The following PTK2B variants were observed in gnomAD, a reference collection of about 807,000 sequenced individuals.
PTK2B encodes the protein protein-tyrosine kinase 2-beta.
In PTK2B, 71 loss-of-function variants were observed where a neutral mutation model predicts 142.9. That is an observed-to-expected ratio of 0.50 (90% CI 0.41 to 0.61). The LOEUF is 0.61. PTK2B is among the 20% of genes least tolerant of loss of function. The pLI, the probability that PTK2B is intolerant of heterozygous loss-of-function variation, is 0.00. For synonymous variants in PTK2B, 519 were observed against 503.4 expected (o/e 1.03, Z -0.42); for missense variants, 1,105 against 1,320.4 (o/e 0.84, Z 2.53).
chr8:27,357,713 GAGTA>G (rs1805466793), intron 1 of PTK2B, among the ~76,000 whole-genome samples: 1 of 152,218 alleles, frequency 6.6e-6, no homozygotes, highest in South Asian at 2.1e-4. Context: ...AGATAGCCAA[GAGTA>G]AGTGAGATAA....
rs192474266 is a variant in PTK2B, at chr8:27,420,737, A to G, written c.464A>G (p.Tyr155Cys). ...GACAGGACCACGCTGCTCTATTTTT[A>G]CCAACAGGTAAAAAGTACTTTATCT... The part of the protein sequence containing the change: ...KEDRTTLLYF[Y>C]QQLRNDYMQR... Residue 155 changes from tyrosine to cysteine, a missense_variant, in exon 4 of 31, where the codon TAC (tyrosine) becomes TGC (cysteine). By Grantham distance (194) the Tyr-to-Cys change is radical (BLOSUM62 -2). Coordinates refer to ENST00000346049, the MANE Select transcript of PTK2B (RefSeq NM_173176.3). 6.2e-7 allele frequency: 1 copy of G among 1,611,546 alleles called. No individual in the cohort carries two copies. The highest frequency in any genetic ancestry group is 2.2e-5 in the East Asian group (1 of 44,860).
chr8:27,336,862 GTCTC>G (rs200584604), intron 1 of PTK2B, among the ~76,000 whole-genome samples: 2,306 of 152,196 alleles, frequency 0.015, 48 homozygotes, highest in African/African-American at 0.038. Context: ...TTGAGACGGA[GTCTC>G]TCTCTGTCAC....
Position 27,394,112 on chromosome 8 carries a change from G to A in PTK2B, c.-37-3436G>A, listed in dbSNP as rs140017449. On this transcript the variant is annotated intron_variant, in intron 1 of 30. Coordinates refer to ENST00000346049, the MANE Select transcript of PTK2B (RefSeq NM_173176.3). The stretch of plus-strand genomic sequence containing the variant: ...ACAGCAGATTACTGTACTGAATACT[G>A]CAGGTAATTATAACACAATTGAGGG... Among the ~76,000 whole-genome samples, 1,040 of 152,206 alleles carry A rather than the reference G, an allele frequency of 6.8e-3. 13 individuals carry two copies. Among genetic ancestry groups the A allele is most frequent in the African/African-American group, 0.024 (998 of 41,518 alleles).
At chr8:27,331,395 T>G (rs1327061894) in intron 1 of PTK2B, among the ~76,000 whole-genome samples, 1 of 152,172 alleles carries the variant, frequency 6.6e-6, no homozygotes, top group Non-Finnish European at 1.5e-5. Flanking sequence ...CTTCTCACCT[T>G]TCTCACCTGG....
At chr8:27,435,925 C>T (rs1810748143) in intron 14 of PTK2B, 132 bp downstream of exon 14, 11 of 1,182,124 alleles carry the variant, frequency 9.3e-6, no homozygotes, top group Non-Finnish European at 1.4e-5. Context: ...TAGACAGTGG[C>T]AAACCTGAGA....
intron 1 of PTK2B, among the ~76,000 whole-genome samples, chr8:27,350,962 A>G (rs1463258860): frequency 8.6e-6 from 1 of 116,168 alleles, no homozygotes; most frequent in Non-Finnish European, 1.7e-5. Context: ...GGGGACAGAG[A>G]AAGTCTCCGT....
intron 2 of PTK2B, among the ~76,000 whole-genome samples, chr8:27,409,387 A>T (rs1246514299): frequency 1.3e-5 from 2 of 152,154 alleles, no homozygotes; most frequent in African/African-American, 2.4e-5. Flanking sequence ...CCAGGAGGAA[A>T]GGACAAGGGG....
chr8:27,435,809 C>T lies in PTK2B; in HGVS notation c.1243+16C>T, dbSNP rs200046414. The T allele has an allele frequency of 1.4e-4, 228 of 1,612,988 alleles. No individual in the cohort carries two copies. In the East Asian group the frequency reaches 2.0e-3, roughly 14 times the overall value. On this transcript the variant is annotated intron_variant, in intron 14 of 30. Transcript: ENST00000346049. The stretch of plus-strand genomic sequence containing the variant: ...AGGCCCGGAGGTAGGTTCTCGACCC[C>T]GCCACAGCGACCGTAGTCAAGGCCC...
At chr8:27,437,290 A>G in intron 16 of PTK2B, 84 bp downstream of exon 16, 1 of 1,540,836 alleles carries the variant, frequency 6.5e-7, no homozygotes, top group East Asian at 2.3e-5. Context: ...GCAGGGACCC[A>G]TGTTGGAGGA....
intron 5 of PTK2B, among the ~76,000 whole-genome samples, chr8:27,424,063 A>G (rs565886295): frequency 6.6e-6 from 1 of 152,118 alleles, no homozygotes. Context: ...CTCGGCTCCT[A>G]TGACTTGCAT....
At chr8:27,424,409 C>T (rs1215971862) in intron 5 of PTK2B, among the ~76,000 whole-genome samples, 1 of 152,204 alleles carries the variant, frequency 6.6e-6, no homozygotes, top group Non-Finnish European at 1.5e-5. Context: ...CTGCTGATAT[C>T]TGCTATAACC....
rs1310688251 is a variant in PTK2B at position 27,458,698 on chromosome 8, G to A, written c.*189G>A. On this transcript the variant is annotated 3_prime_UTR_variant, in exon 31 of 31. Coordinates refer to ENST00000346049, the MANE Select transcript of PTK2B (RefSeq NM_173176.3). Reference sequence around the variant, plus strand: ...CTGCTCAGGCTGCAGCTGGACAGAGGGGACTCTGGGCTATGGACACAGGGT... The same window carrying A: ...CTGCTCAGGCTGCAGCTGGACAGAGAGGACTCTGGGCTATGGACACAGGGT... 1.6e-6 allele frequency: 1 copy of A among 626,480 alleles called. No homozygotes were observed. Among genetic ancestry groups the A allele is most frequent in the African/African-American group, 1.8e-5 (1 of 54,370 alleles). 38.8% of individuals were successfully genotyped at this position (626,480 alleles called of 1,614,324 possible).
chr8:27,341,156 G>A (rs576135762), intron 1 of PTK2B, among the ~76,000 whole-genome samples: 2 of 152,246 alleles, frequency 1.3e-5, no homozygotes, highest in South Asian at 2.1e-4. Flanking sequence ...CTACCTCCCC[G>A]GGTGCCCCTC....
At chr8:27,434,685 C>T (rs1220940428) in intron 13 of PTK2B, 126 bp downstream of exon 13, 2 of 1,084,282 alleles carry the variant, frequency 1.8e-6, no homozygotes, top group Non-Finnish European at 2.7e-6. Flanking sequence ...TCTCCCATAA[C>T]TTCTCAGTGA....
chr8:27,330,299 G>A (rs2130820428), intron 1 of PTK2B, among the ~76,000 whole-genome samples: 1 of 152,302 alleles, frequency 6.6e-6, no homozygotes, highest in East Asian at 1.9e-4. Flanking sequence ...ATCTGAGCTG[G>A]CGGGGCAGCA....
At chr8:27,344,905 G>T (rs774447261) in intron 1 of PTK2B, among the ~76,000 whole-genome samples, 4 of 129,210 alleles carry the variant, frequency 3.1e-5, no homozygotes, top group African/African-American at 1.2e-4. Context: ...GGGCATGGTG[G>T]CTCATACCTG....
chr8:27,397,183 T>C (rs1386465507), intron 1 of PTK2B, among the ~76,000 whole-genome samples: 1 of 152,230 alleles, frequency 6.6e-6, no homozygotes, highest in African/African-American at 2.4e-5. Context: ...TCTGCTCAGC[T>C]GTGCCTTGGA....
chr8:27,387,457 C>T (rs1413774206), intron 1 of PTK2B, among the ~76,000 whole-genome samples: 4 of 152,196 alleles, frequency 2.6e-5, no homozygotes, highest in African/African-American at 4.8e-5. Flanking sequence ...CCATCTTTCA[C>T]GGGACAGTCC....
intron 2 of PTK2B, among the ~76,000 whole-genome samples, chr8:27,408,926 G>T (rs939955097): frequency 2.0e-5 from 3 of 152,138 alleles, no homozygotes; most frequent in Non-Finnish European, 4.4e-5. Context: ...TGTCAGCAGG[G>T]CCCTGCTCCC....
Sources: allele counts gnomAD v4.1 joint callset (sites outside exome capture counted in the v4.1 genomes callset), GRCh38; gene constraint gnomAD v4.1.1; transcripts MANE v1.5; gene names NCBI Gene and HGNC (gene_info 2026-07-23, HGNC 2026-07-21).